Variants in VPS13B observed in about 807,000 individuals in gnomAD.
The protein encoded by VPS13B is vacuolar protein sorting 13 homolog B, also known as intermembrane lipid transfer protein VPS13B.
In VPS13B, 285 loss-of-function variants were observed where a neutral mutation model predicts 426.4. That is an observed-to-expected ratio of 0.67 (90% confidence interval 0.61 to 0.74). The LOEUF (loss-of-function observed/expected upper bound fraction) is 0.74. Among genes scored for constraint, VPS13B ranks in the 30% least tolerant of loss-of-function variants. The probability of loss-of-function intolerance (pLI) is 0.00; values close to 1 mark genes in which losing one functional copy is unlikely to be tolerated. For synonymous variants in VPS13B, 1,676 were observed against 1,676.4 expected, an observed-to-expected ratio of 1.00 and a Z score of 0.01; for missense variants, 4,537 against 4,782.6, an observed-to-expected ratio of 0.95 and a Z score of 1.51.
At chr8:99,279,521 A>G (rs879358623) in intron 19 of VPS13B, among the ~76,000 whole-genome samples, 99 of 32,144 alleles carry the variant, frequency 3.1e-3, no homozygotes, top group Non-Finnish European at 5.2e-3. Context: ...TGGCCTCCCA[A>G]AGTGCTTGAG....
chr8:99,845,520 C>G (rs1297679360), intron 54 of VPS13B, among the ~76,000 whole-genome samples: 3 of 152,190 alleles, frequency 2.0e-5, no homozygotes, highest in South Asian at 2.1e-4. Flanking sequence ...GGGTGTCTCT[C>G]TCACCATTCT....
At chr8:99,438,820 A>G (rs1817535125) in intron 22 of VPS13B, among the ~76,000 whole-genome samples, 1 of 152,184 alleles carries the variant, frequency 6.6e-6, no homozygotes, top group Non-Finnish European at 1.5e-5. Flanking sequence ...AATGGCCCCT[A>G]TATACAGAGA....
In VPS13B at chr8:99,087,572, G is replaced by A. The variant is rs892771717; in HGVS notation, c.292-8740G>A. ...CTCATGTTGGGAGCTGTAGACTGGC[G>A]TTGTTCCTATTCAGCCATCTTGGCT... On this transcript the variant is annotated intron_variant, in intron 3 of 61. Coordinates refer to ENST00000357162, the MANE Select transcript of VPS13B (RefSeq NM_152564.5). 8.7e-5 allele frequency among the ~76,000 whole-genome samples: 13 copies of A among 149,388 alleles called. No homozygotes were observed. In the East Asian group the frequency reaches 9.8e-4, roughly 11 times the overall value.
chr8:99,703,087 C>T (rs989681074), intron 36 of VPS13B, among the ~76,000 whole-genome samples: 1 of 152,048 alleles, frequency 6.6e-6, no homozygotes, highest in Non-Finnish European at 1.5e-5. Flanking sequence ...TTTTCTCCCC[C>T]GGGCATTCCG....
At chr8:99,775,311 C>T (rs1440548110) in intron 40 of VPS13B, among the ~76,000 whole-genome samples, 1 of 152,208 alleles carries the variant, frequency 6.6e-6, no homozygotes, top group East Asian at 1.9e-4. Context: ...CATTGCTTGT[C>T]CTTAGGCTCC....
At chr8:99,434,112 T>A (rs762683905) in intron 22 of VPS13B, among the ~76,000 whole-genome samples, 5 of 152,166 alleles carry the variant, frequency 3.3e-5, no homozygotes, top group Admixed American at 6.6e-5. Flanking sequence ...TCAGCCCTAG[T>A]TAAATTTAAC....
intron 19 of VPS13B, among the ~76,000 whole-genome samples, chr8:99,308,285 T>G (rs1391140996): frequency 6.6e-6 from 1 of 152,084 alleles, no homozygotes; most frequent in Non-Finnish European, 1.5e-5. Context: ...ACCCATTAAC[T>G]CGTCATTTAC....
In VPS13B at chr8:99,136,755, A is replaced by G. The variant is rs1588077106; in HGVS notation, c.1651+3A>G. The G allele has an allele frequency of 6.2e-7, 1 of 1,613,338 alleles. No homozygotes were observed. Among genetic ancestry groups the G allele is most frequent in the Non-Finnish European group, 8.5e-7 (1 of 1,179,472 alleles). Reference sequence around the variant, plus strand: ...AATGGAGAACACTAGTGGCAAAGGTATTGGCTTCTTTCCTTTATGTGTGCC... The same window carrying G: ...AATGGAGAACACTAGTGGCAAAGGTGTTGGCTTCTTTCCTTTATGTGTGCC... On this transcript the variant is annotated splice_donor_region_variant and intron_variant, in intron 12 of 61. Coordinates refer to ENST00000357162, the MANE Select transcript of VPS13B (RefSeq NM_152564.5).
chr8:99,294,748 A>G (rs981167135), intron 19 of VPS13B, among the ~76,000 whole-genome samples: 2 of 152,146 alleles, frequency 1.3e-5, no homozygotes, highest in African/African-American at 4.8e-5. Context: ...AATGGTTGCA[A>G]TGCCAGATAC....
At chr8:99,387,746 T>C (rs1225807403) in intron 20 of VPS13B, among the ~76,000 whole-genome samples, 1 of 152,140 alleles carries the variant, frequency 6.6e-6, no homozygotes, top group African/African-American at 2.4e-5. Flanking sequence ...TTTTAAAATC[T>C]GTTAGGTGAA....
chr8:99,235,201 C>T (rs1045401112), intron 17 of VPS13B, among the ~76,000 whole-genome samples: 2 of 152,154 alleles, frequency 1.3e-5, no homozygotes, highest in African/African-American at 4.8e-5. Context: ...GAATTGAACA[C>T]CTTCTTTGTT....
intron 40 of VPS13B, among the ~76,000 whole-genome samples, chr8:99,775,488 G>A (rs571138925): frequency 1.3e-5 from 2 of 152,264 alleles, no homozygotes; most frequent in South Asian, 2.1e-4. Context: ...CCCAGGTCTC[G>A]TGCTCCTGTT....
chr8:99,694,963 G>A (rs1273289589), intron 35 of VPS13B, among the ~76,000 whole-genome samples: 2 of 151,032 alleles, frequency 1.3e-5, no homozygotes, highest in East Asian at 3.9e-4. Flanking sequence ...ATCATCACTG[G>A]CCATCAGAGA....
intron 17 of VPS13B, among the ~76,000 whole-genome samples, chr8:99,202,254 G>C (rs1249387404): frequency 6.6e-6 from 1 of 152,208 alleles, no homozygotes; most frequent in Non-Finnish European, 1.5e-5. Context: ...TAAAATTCAA[G>C]ACATTGGTTA....
At chr8:99,575,817 AAAT>A (rs776216095) in intron 32 of VPS13B, 33 bp downstream of exon 32, 99 of 1,602,992 alleles carry the variant, frequency 6.2e-5, no homozygotes, top group Non-Finnish European at 2.7e-5. Flanking sequence ...ATTTTAGTCT[AAAT>A]AATGGAATTG....
intron 58 of VPS13B, among the ~76,000 whole-genome samples, chr8:99,863,866 A>G (rs1198621464): frequency 6.6e-6 from 1 of 152,156 alleles, no homozygotes; most frequent in Non-Finnish European, 1.5e-5. Flanking sequence ...TTGGGGTAAC[A>G]TAAGCCTCCT....
At chr8:99,462,264 G>A (rs541503502) in intron 23 of VPS13B, among the ~76,000 whole-genome samples, 1 of 151,522 alleles carries the variant, frequency 6.6e-6, no homozygotes, top group East Asian at 2.0e-4. Flanking sequence ...TTTCTCCATG[G>A]TGGCATGTAA....
chr8:99,037,802 A>G (rs1425901809), intron 2 of VPS13B, among the ~76,000 whole-genome samples: 1 of 151,018 alleles, frequency 6.6e-6, no homozygotes, highest in African/African-American at 2.4e-5. Flanking sequence ...ACCAAGTAGT[A>G]TCCAGTTCAA....
At chr8:99,014,451 T>A (rs1841502681) in intron 2 of VPS13B, among the ~76,000 whole-genome samples, 2 of 152,002 alleles carry the variant, frequency 1.3e-5, no homozygotes. Context: ...GTTCCCAGTT[T>A]TGGTATATTA....
Sources: allele counts gnomAD v4.1 joint callset (sites outside exome capture counted in the v4.1 genomes callset), GRCh38; gene constraint gnomAD v4.1.1; transcripts MANE v1.5; gene names NCBI Gene and HGNC (gene_info 2026-07-23, HGNC 2026-07-21).